Variants in LAMA1 observed in about 807,000 individuals in gnomAD.
LAMA1 encodes the protein laminin subunit alpha 1.
LAMA1 carries 219 observed loss-of-function variants against 348.7 expected under a neutral mutation model. The observed-to-expected ratio is 0.63, with a 90% confidence interval of 0.56 to 0.70. The LOEUF is 0.70. Ranked by LOEUF, LAMA1 falls within the 30% of genes least tolerant of loss-of-function variation. The pLI is 0.00. For missense variants in LAMA1, 3,744 were observed against 3,888.0 expected (o/e 0.96, Z 0.99); for synonymous variants, 1,487 against 1,491.0 (o/e 1.00, Z 0.06).
rs1568017953 is a variant in LAMA1 at position 6,983,157 on chromosome 18, ATCAGGCTCTGG to A, written c.5727_5737del (p.Gln1910Ter). 1 of 1,614,150 alleles carries A rather than the reference ATCAGGCTCTGG, an allele frequency of 6.2e-7. No individual in the cohort carries two copies. The stretch of plus-strand genomic sequence containing the variant: ...TCTGGCCAGTTCCTCCGATTCTTCA[ATCAGGCTCTGG>A]ATGTTGTAATGGACATAGGCTGCAC... On this transcript the variant is annotated frameshift_variant, in exon 40 of 63. Transcript: ENST00000389658. LOFTEE classifies it high-confidence loss of function.
intron 43 of LAMA1, 59 bp from the exon 44 acceptor site, chr18:6,977,940 T>A (rs894206180): frequency 6.4e-7 from 1 of 1,558,944 alleles, no homozygotes; most frequent in Non-Finnish European, 8.7e-7. Flanking sequence ...AAAAACAAGA[T>A]AATTAATTGT....
intron 1 of LAMA1, among the ~76,000 whole-genome samples, chr18:7,103,750 T>C (rs1222588461): frequency 6.7e-6 from 1 of 149,524 alleles, no homozygotes; most frequent in African/African-American, 2.5e-5. Context: ...ACCCAGGAGG[T>C]GGAGGTTGCA....
chr18:7,049,295 G>GTTTA (rs34279019), intron 4 of LAMA1, 38 bp from the exon 5 acceptor site: 202,752 of 1,503,688 alleles, frequency 0.13, 15,811 homozygotes, highest in Admixed American at 0.19. Flanking sequence ...AATGTCAATT[G>GTTTA]TTTATTTATT....
At chr18:7,044,036 G>C (rs1598294991) in intron 7 of LAMA1, among the ~76,000 whole-genome samples, 1 of 151,744 alleles carries the variant, frequency 6.6e-6, no homozygotes, top group African/African-American at 2.4e-5. Flanking sequence ...GGCACCTGTA[G>C]TCCCAGCTAC....
rs2058034472 is a variant in LAMA1, at chr18:7,044,640, T to C, written c.976+82A>G. 2.8e-6 allele frequency: 3 copies of C among 1,084,300 alleles called. No individual in the cohort carries two copies. In the South Asian group the frequency reaches 3.7e-5, roughly 14 times the overall value. 67.2% of individuals were successfully genotyped at this position (1,084,300 alleles called of 1,614,324 possible). On this transcript the variant is annotated intron_variant, in intron 7 of 62. Transcript: ENST00000389658. Reference sequence around the variant, plus strand: ...CTAAGAAAACAAGTTACCTGCTAACTATAAAAGTTGTTAAGACACCATAAA... The same window carrying C: ...CTAAGAAAACAAGTTACCTGCTAACCATAAAAGTTGTTAAGACACCATAAA...
At chr18:7,075,967 C>CAATT (rs2058166181) in intron 3 of LAMA1, among the ~76,000 whole-genome samples, 1 of 151,030 alleles carries the variant, frequency 6.6e-6, no homozygotes, top group South Asian at 2.1e-4. Flanking sequence ...ATCCATAATG[C>CAATT]AATTATTGAC....
rs573553110 is a variant in LAMA1 at position 6,965,902 on chromosome 18, T to C, written c.7050+245A>G. The C allele has an allele frequency of 9.6e-6, 5 of 523,364 alleles. No homozygotes were observed. The East Asian group carries it at 1.7e-4, about 18-fold the overall frequency. 32.4% of individuals were successfully genotyped at this position (523,364 alleles called of 1,614,324 possible). A position where few individuals can be genotyped will look rare whatever the true frequency, so the allele number is the denominator to read the frequency against. On this transcript the variant is annotated intron_variant, in intron 49 of 62. Coordinates refer to ENST00000389658, the MANE Select transcript of LAMA1 (RefSeq NM_005559.4). ...ATGTTGAATTGATATCTATAAAGAC[T>C]AGAAGGCTAGTTTCTACTTGGTGTT...
intron 30 of LAMA1, among the ~76,000 whole-genome samples, 188 bp downstream of exon 30, chr18:7,002,076 A>T (rs1367618653): frequency 6.6e-6 from 1 of 152,266 alleles, no homozygotes; most frequent in Non-Finnish European, 1.5e-5. Context: ...ACCAAAACAG[A>T]TACTTTGCTT....
chr18:6,986,437 A>C, intron 36 of LAMA1, 90 bp from the exon 37 acceptor site: 1 of 1,144,070 alleles, frequency 8.7e-7, no homozygotes, highest in Non-Finnish European at 1.3e-6. Context: ...TTACGTATTT[A>C]TGCCTAGTCT....
At chr18:6,965,199 C>T (rs2057627041) in intron 50 of LAMA1, 89 bp downstream of exon 50, 1 of 1,511,516 alleles carries the variant, frequency 6.6e-7, no homozygotes, top group South Asian at 1.1e-5. Context: ...ACCCAGGAAA[C>T]TACTGTGGAA....
intron 15 of LAMA1, among the ~76,000 whole-genome samples, chr18:7,032,705 C>T (rs2057975806): frequency 1.3e-5 from 2 of 152,200 alleles, no homozygotes; most frequent in Admixed American, 1.3e-4. Flanking sequence ...TCCTTAGAAA[C>T]ACAGTCAATG....
At chr18:6,949,702 G>A (rs184115385) in intron 58 of LAMA1, among the ~76,000 whole-genome samples, 3 of 152,316 alleles carry the variant, frequency 2.0e-5, no homozygotes, top group Admixed American at 6.5e-5. Context: ...GTCCCTTCCC[G>A]AAATGGGAGG....
intron 1 of LAMA1, among the ~76,000 whole-genome samples, chr18:7,101,353 G>A (rs752761571): frequency 6.6e-6 from 1 of 152,140 alleles, no homozygotes; most frequent in South Asian, 2.1e-4. Context: ...GAATTTGATG[G>A]AACCTGATGC....
intron 48 of LAMA1, among the ~76,000 whole-genome samples, chr18:6,967,369 T>C (rs1221865952): frequency 6.6e-6 from 1 of 152,220 alleles, no homozygotes; most frequent in Non-Finnish European, 1.5e-5. Context: ...TATGTTCCAT[T>C]GTTCTACCTC....
intron 1 of LAMA1, among the ~76,000 whole-genome samples, chr18:7,097,237 G>C (rs951254456): frequency 2.7e-5 from 4 of 150,070 alleles, no homozygotes; most frequent in Non-Finnish European, 4.4e-5. Flanking sequence ...TCCACACCAG[G>C]CTTCTTTATT....
intron 61 of LAMA1, among the ~76,000 whole-genome samples, chr18:6,946,512 G>A (rs2057522245): frequency 6.6e-6 from 1 of 152,128 alleles, no homozygotes; most frequent in South Asian, 2.1e-4. Flanking sequence ...GAGGTCAGGA[G>A]TTCGAGAACA....
rs559763888 is a variant in LAMA1, at chr18:6,973,337, C to T, written c.6624-130G>A. ...TGCAACAGCACCCCCCTGCTGGCCT[C>T]CTGGCTTCCAGTCTTGCCTACTGCC... On this transcript the variant is annotated intron_variant, in intron 46 of 62. Coordinates refer to ENST00000389658, the MANE Select transcript of LAMA1 (RefSeq NM_005559.4). The T allele has an allele frequency of 1.7e-4, 140 of 803,042 alleles. 1 individual carries two copies. The South Asian group carries it at 2.0e-3, about 11-fold the overall frequency. The allele number at this position is 803,042 out of a possible 1,614,324, so 49.7% of individuals were successfully genotyped here.
chr18:7,000,203 C>T (rs139648471), intron 30 of LAMA1, among the ~76,000 whole-genome samples: 1 of 152,372 alleles, frequency 6.6e-6, no homozygotes, highest in Non-Finnish European at 1.5e-5. Context: ...ATCCAAAAGA[C>T]ATTCATAAGA....
chr18:6,990,816 G>T, intron 36 of LAMA1, among the ~76,000 whole-genome samples: 1 of 152,184 alleles, frequency 6.6e-6, no homozygotes, highest in East Asian at 1.9e-4. Context: ...TGTTCTGGGT[G>T]GGAAAATAAT....
Sources: allele counts gnomAD v4.1 joint callset (sites outside exome capture counted in the v4.1 genomes callset), GRCh38; gene constraint gnomAD v4.1.1; transcripts MANE v1.5; gene names NCBI Gene and HGNC (gene_info 2026-07-23, HGNC 2026-07-21).